VKORC1L1: variants seen among roughly 807,000 people sequenced by gnomAD.
The protein encoded by VKORC1L1 is vitamin K epoxide reductase complex subunit 1L1.
In VKORC1L1, 2 loss-of-function variants were observed where a neutral mutation model predicts 18.9. The observed-to-expected ratio is 0.11, with a 90% CI of 0.04 to 0.33. The LOEUF is 0.33. Ranked by LOEUF, VKORC1L1 falls within the 10% of genes least tolerant of loss-of-function variation. VKORC1L1 has a pLI of 1.00. For missense variants in VKORC1L1, 123 were observed against 224.1 expected (o/e 0.55, Z 2.88); for synonymous variants, 96 against 100.0 (o/e 0.96, Z 0.24).
chr7:65,905,708 A>C (rs1256863697), intron 1 of VKORC1L1, among the ~76,000 whole-genome samples: 1 of 152,156 alleles, frequency 6.6e-6, no homozygotes, highest in African/African-American at 2.4e-5. Context: ...TAGAATTGTC[A>C]AATTTACATC....
Position 65,873,575 on chromosome 7 carries a change from T to G in VKORC1L1, c.194+10T>G, listed in dbSNP as rs746265319. ...CCGCCCTTGCCTCCAGGTAGCCGGCTTGGGGGAGTGGGCCAGGAGCGGCCG... is the reference window on the plus strand; with the variant it reads ...CCGCCCTTGCCTCCAGGTAGCCGGCGTGGGGGAGTGGGCCAGGAGCGGCCG... On this transcript the variant is annotated intron_variant, in intron 1 of 2. Transcript: ENST00000360768. 4 of 1,530,600 alleles carry G rather than the reference T, an allele frequency of 2.6e-6. No individual in the cohort carries two copies. The East Asian group carries it at 1.0e-4, about 39-fold the overall frequency. The allele number at this position is 1,530,600 out of a possible 1,614,324, so 94.8% of individuals were successfully genotyped here.
chr7:65,939,533 A>C (rs1790000672), intron 1 of VKORC1L1, among the ~76,000 whole-genome samples: 1 of 152,202 alleles, frequency 6.6e-6, no homozygotes, highest in Admixed American at 6.5e-5. Context: ...TTGGACCTAT[A>C]AAGAGAAAAA....
chr7:65,902,923 A>G (rs771803688), intron 1 of VKORC1L1, among the ~76,000 whole-genome samples: 2 of 151,960 alleles, frequency 1.3e-5, no homozygotes, highest in Non-Finnish European at 2.9e-5. Context: ...TTAGAGTGCA[A>G]TGGCGTGATC....
chr7:65,905,041 G>GTATATA lies in VKORC1L1; in HGVS notation c.194+31481_194+31486dup, dbSNP rs556663893. 4.2e-3 allele frequency among the ~76,000 whole-genome samples: 634 copies of GTATATA among 152,052 alleles called. 1 individual carries two copies. Among genetic ancestry groups the GTATATA allele is most frequent in the Admixed American group, 6.8e-3 (104 of 15,276 alleles). On this transcript the variant is annotated intron_variant, in intron 1 of 2. Transcript: ENST00000360768. ...TATGTATATGTATACATATAGGTAT[G>GTATATA]TATATATATACACCTACATACATAC...
intron 1 of VKORC1L1, among the ~76,000 whole-genome samples, chr7:65,878,588 C>T (rs989010817): frequency 1.3e-5 from 2 of 152,028 alleles, no homozygotes; most frequent in Non-Finnish European, 2.9e-5. Context: ...TATTTAAAGT[C>T]CCCTTTGCAC....
chr7:65,926,650 A>G (rs573803716), intron 1 of VKORC1L1, among the ~76,000 whole-genome samples: 1 of 152,330 alleles, frequency 6.6e-6, no homozygotes, highest in East Asian at 1.9e-4. Context: ...ACACCTGCAC[A>G]TGCATGTTTA....
At chr7:65,932,475 G>A (rs1169730247) in intron 1 of VKORC1L1, among the ~76,000 whole-genome samples, 1 of 152,114 alleles carries the variant, frequency 6.6e-6, no homozygotes, top group Non-Finnish European at 1.5e-5. Flanking sequence ...GCATTTTAAT[G>A]CTATAAATTT....
intron 1 of VKORC1L1, among the ~76,000 whole-genome samples, chr7:65,901,312 T>A (rs1300537246): frequency 6.6e-6 from 1 of 152,092 alleles, no homozygotes; most frequent in African/African-American, 2.4e-5. Context: ...CAGTGAATTA[T>A]GAGCCAATGC....
chr7:65,876,739 A>G (rs1480799021), intron 1 of VKORC1L1, among the ~76,000 whole-genome samples: 2 of 152,050 alleles, frequency 1.3e-5, no homozygotes, highest in Admixed American at 6.6e-5. Context: ...CTTATGTTAA[A>G]TAGGGCTTTT....
chr7:65,933,215 T>TGAGA (rs774704501), intron 1 of VKORC1L1, among the ~76,000 whole-genome samples: 1 of 151,920 alleles, frequency 6.6e-6, no homozygotes, highest in Non-Finnish European at 1.5e-5. Context: ...TGTCCATTAC[T>TGAGA]GAGAGAGAGA....
intron 1 of VKORC1L1, among the ~76,000 whole-genome samples, chr7:65,940,573 C>T (rs1490525615): frequency 2.0e-5 from 3 of 152,006 alleles, no homozygotes; most frequent in Non-Finnish European, 4.4e-5. Flanking sequence ...TGCAGCAGGA[C>T]CAGAGAGTAG....
chr7:65,901,991 A>G (rs545541700), intron 1 of VKORC1L1, among the ~76,000 whole-genome samples: 1 of 152,314 alleles, frequency 6.6e-6, no homozygotes, highest in South Asian at 2.1e-4. Context: ...TACTCTAACA[A>G]TGAAAAAGCA....
intron 1 of VKORC1L1, among the ~76,000 whole-genome samples, chr7:65,928,579 A>C (rs1789805574): frequency 6.6e-6 from 1 of 152,222 alleles, no homozygotes; most frequent in Non-Finnish European, 1.5e-5. Flanking sequence ...CAAATGAAAC[A>C]ATTCCTTTTT....
At chr7:65,882,380 AAAAATAAAAT>A (rs767928170) in intron 1 of VKORC1L1, among the ~76,000 whole-genome samples, 3 of 149,840 alleles carry the variant, frequency 2.0e-5, no homozygotes, top group African/African-American at 7.3e-5. Context: ...ACTCCGTCTG[AAAAATAAAAT>A]AAAATAAAAT....
chr7:65,897,375 A>G (rs1253411259), intron 1 of VKORC1L1, among the ~76,000 whole-genome samples: 1 of 152,252 alleles, frequency 6.6e-6, no homozygotes, highest in African/African-American at 2.4e-5. Flanking sequence ...ACTTCCGTAT[A>G]TTAATGGTAA....
intron 1 of VKORC1L1, among the ~76,000 whole-genome samples, chr7:65,926,098 A>C (rs1181839686): frequency 6.7e-6 from 1 of 149,138 alleles, no homozygotes; most frequent in Non-Finnish European, 1.5e-5. Context: ...GTGTTGACAA[A>C]GCCACACTCA....
intron 1 of VKORC1L1, among the ~76,000 whole-genome samples, chr7:65,933,666 A>G (rs1209315113): frequency 6.6e-6 from 1 of 152,110 alleles, no homozygotes; most frequent in Admixed American, 6.5e-5. Flanking sequence ...TTTTATTGGT[A>G]TATTCAGACC....
intron 1 of VKORC1L1, among the ~76,000 whole-genome samples, chr7:65,887,796 C>A (rs1357021992): frequency 2.0e-5 from 3 of 152,044 alleles, no homozygotes; most frequent in Non-Finnish European, 4.4e-5. Flanking sequence ...TGAAACATAG[C>A]CTTTTTTAAT....
intron 1 of VKORC1L1, among the ~76,000 whole-genome samples, chr7:65,890,124 ATTTTT>A (rs35228954): frequency 1.1e-5 from 1 of 90,474 alleles, no homozygotes. Flanking sequence ...CACCTGGGTA[ATTTTT>A]TTTTTTTTTT....
Sources: gnomAD v4.1 joint callset for allele counts (sites outside exome capture counted in the v4.1 genomes callset) on GRCh38, gnomAD v4.1.1 for gene constraint, MANE v1.5 for transcripts, NCBI Gene and HGNC (gene_info 2026-07-23, HGNC 2026-07-21) for gene names.